The following TRHDE variants were observed in gnomAD, a reference collection of about 807,000 sequenced individuals.
TRHDE encodes thyrotropin-releasing hormone-degrading ectoenzyme.
A neutral mutation model predicts 125.7 loss-of-function variants in TRHDE; 72 were observed. The ratio of observed to expected loss-of-function variants is 0.57; its 90% CI spans 0.47 to 0.70. The LOEUF (loss-of-function observed/expected upper bound fraction) is 0.70. Ranked by LOEUF, TRHDE falls within the 30% of genes least tolerant of loss-of-function variation. The pLI is 0.00. For synonymous variants in TRHDE, 509 were observed against 509.1 expected, an observed-to-expected ratio of 1.00 and a Z score of 0.00; for missense variants, 1,110 against 1,327.1, an observed-to-expected ratio of 0.84 and a Z score of 2.54.
intron 15 of TRHDE, among the ~76,000 whole-genome samples, chr12:72,649,562 C>T (rs1874421917): frequency 6.6e-6 from 1 of 152,060 alleles, no homozygotes; most frequent in Non-Finnish European, 1.5e-5. Flanking sequence ...TAAAAAGCTT[C>T]TGCACAGCAA....
At chr12:72,142,713 A>G (rs1440027655) in intron 2 of TRHDE, among the ~76,000 whole-genome samples, 1 of 152,158 alleles carries the variant, frequency 6.6e-6, no homozygotes, top group Non-Finnish European at 1.5e-5. Context: ...AGACCAGCAG[A>G]CTAGCAGACC....
chr12:72,310,100 G>A (rs529599403), intron 2 of TRHDE, among the ~76,000 whole-genome samples: 37 of 152,294 alleles, frequency 2.4e-4, no homozygotes, highest in African/African-American at 4.1e-4. Flanking sequence ...ACCATAGTTC[G>A]TGGTGCTGGG....
chr12:72,202,949 ATTTAATATT>A (rs1369836003), intron 2 of TRHDE, among the ~76,000 whole-genome samples: 1 of 151,852 alleles, frequency 6.6e-6, no homozygotes, highest in Non-Finnish European at 1.5e-5. Context: ...GGTTTCAGCT[ATTTAATATT>A]TTTATTATTT....
intron 1 of TRHDE, among the ~76,000 whole-genome samples, chr12:72,100,380 G>C (rs1420267774): frequency 6.6e-6 from 1 of 152,106 alleles, no homozygotes; most frequent in African/African-American, 2.4e-5. Flanking sequence ...AATATGAACT[G>C]TCTTATTCCT....
At chr12:72,217,673 C>G (rs1349757885) in intron 2 of TRHDE, among the ~76,000 whole-genome samples, 1 of 152,146 alleles carries the variant, frequency 6.6e-6, no homozygotes, top group Non-Finnish European at 1.5e-5. Flanking sequence ...AGCAAGATCT[C>G]TGCAGATTCA....
intron 2 of TRHDE, among the ~76,000 whole-genome samples, chr12:72,233,216 T>A (rs1444591409): frequency 6.6e-6 from 1 of 152,100 alleles, no homozygotes; most frequent in Non-Finnish European, 1.5e-5. Flanking sequence ...GATGAAATGG[T>A]GCCGAGAAGG....
At chr12:72,540,237 T>A (rs918411806) in intron 6 of TRHDE, among the ~76,000 whole-genome samples, 1 of 151,734 alleles carries the variant, frequency 6.6e-6, no homozygotes, top group Non-Finnish European at 1.5e-5. Flanking sequence ...TATTAAAATG[T>A]TCAGATGGGT....
At chr12:72,418,510 A>G (rs1873820998) in intron 3 of TRHDE, among the ~76,000 whole-genome samples, 1 of 152,092 alleles carries the variant, frequency 6.6e-6, no homozygotes, top group Non-Finnish European at 1.5e-5. Context: ...AGTGAGTAAA[A>G]TGGATTTTTA....
At chr12:72,205,349 G>A (rs1393139726) in intron 2 of TRHDE, among the ~76,000 whole-genome samples, 1 of 146,382 alleles carries the variant, frequency 6.8e-6, no homozygotes. Context: ...TTTTTTTTGA[G>A]AAAATGTTTT....
intron 15 of TRHDE, among the ~76,000 whole-genome samples, chr12:72,627,720 C>T (rs1311135539): frequency 6.6e-6 from 1 of 151,736 alleles, no homozygotes; most frequent in African/African-American, 2.4e-5. Flanking sequence ...AGATCTCGTT[C>T]TATTATCCAA....
Position 72,120,345 on chromosome 12 carries a change from G to A in TRHDE, n.279+14593G>A, listed in dbSNP as rs576269990. The stretch of plus-strand genomic sequence containing the variant: ...ATTACAGGTGTGAACCACCATGCCT[G>A]GCTTACTCTTTCCATTTTAAAATTT... On this transcript the variant is annotated intron_variant and non_coding_transcript_variant, in intron 2 of 4. Coordinates refer to the TRHDE transcript ENST00000548156. Among the ~76,000 whole-genome samples, 5 of 151,954 alleles carry A rather than the reference G, an allele frequency of 3.3e-5. No homozygotes were observed. In the South Asian group the frequency reaches 1.0e-3, roughly 32 times the overall value.
At chr12:72,390,703 A>G (rs1872583993) in intron 3 of TRHDE, among the ~76,000 whole-genome samples, 1 of 152,192 alleles carries the variant, frequency 6.6e-6, no homozygotes, top group Non-Finnish European at 1.5e-5. Context: ...AAGACACTCC[A>G]TGATTACTTA....
intron 3 of TRHDE, among the ~76,000 whole-genome samples, chr12:72,463,383 A>G (rs1044903412): frequency 3.3e-5 from 5 of 152,256 alleles, no homozygotes; most frequent in Non-Finnish European, 5.9e-5. Context: ...TGACAAATCT[A>G]GAATGAACTG....
chr12:72,116,247 A>G (rs2139298356), intron 2 of TRHDE, among the ~76,000 whole-genome samples: 1 of 152,204 alleles, frequency 6.6e-6, no homozygotes, highest in East Asian at 1.9e-4. Context: ...CATTTTCTTT[A>G]TCAAGTCTAT....
intron 2 of TRHDE, among the ~76,000 whole-genome samples, chr12:72,370,538 C>G (rs1871530247): frequency 6.6e-6 from 1 of 152,134 alleles, no homozygotes; most frequent in Non-Finnish European, 1.5e-5. Flanking sequence ...TGTAGCTTCT[C>G]TTTACTTCTT....
chr12:72,635,819 G>A (rs866948987), intron 15 of TRHDE, among the ~76,000 whole-genome samples: 1,618 of 152,200 alleles, frequency 0.011, 32 homozygotes, highest in African/African-American at 0.037. Flanking sequence ...TTGTAGATAT[G>A]CAGCATTATT....
At chr12:72,495,059 C>CTTT (rs1592489033) in intron 5 of TRHDE, among the ~76,000 whole-genome samples, 1 of 59,980 alleles carries the variant, frequency 1.7e-5, no homozygotes, top group African/African-American at 7.0e-5. Context: ...GTTCCTCCCC[C>CTTT]GTTTTTTTTT....
At chr12:72,275,455 A>T (rs1592513070) in intron 1 of TRHDE, among the ~76,000 whole-genome samples, 1 of 152,298 alleles carries the variant, frequency 6.6e-6, no homozygotes, top group South Asian at 2.1e-4. Flanking sequence ...ACTTCCTCCA[A>T]CATGTTCTAA....
chr12:72,610,032 T>C (rs1187226040), intron 12 of TRHDE, among the ~76,000 whole-genome samples: 1 of 152,242 alleles, frequency 6.6e-6, no homozygotes, highest in Non-Finnish European at 1.5e-5. Flanking sequence ...TTTTATTCAT[T>C]TCAGGCAGTA....
Sources: allele counts gnomAD v4.1 joint callset (sites outside exome capture counted in the v4.1 genomes callset), GRCh38; gene constraint gnomAD v4.1.1; transcripts MANE v1.5; gene names NCBI Gene and HGNC (gene_info 2026-07-23, HGNC 2026-07-21).